EYA1: variants seen among roughly 807,000 people sequenced by gnomAD.
EYA1 encodes the protein protein phosphatase EYA1.
Under a neutral mutation model 82.0 loss-of-function variants are expected in EYA1, and 16 were observed. The observed-to-expected ratio is 0.20, with a 90% CI of 0.13 to 0.30. The LOEUF is 0.30. Among genes scored for constraint, EYA1 ranks in the 10% least tolerant of loss-of-function variants. The pLI is 1.00. For synonymous variants in EYA1, 261 were observed against 264.4 expected, an observed-to-expected ratio of 0.99 and a Z score of 0.12; for missense variants, 633 against 730.7, an observed-to-expected ratio of 0.87 and a Z score of 1.54.
intron 2 of EYA1, among the ~76,000 whole-genome samples, chr8:71,524,749 A>G (rs2129275095): frequency 6.6e-6 from 1 of 152,346 alleles, no homozygotes; most frequent in African/African-American, 2.4e-5. Flanking sequence ...CCATTGCAAT[A>G]TTTGTATGGC....
intron 17 of EYA1, among the ~76,000 whole-genome samples, chr8:71,205,658 C>T (rs545915015): frequency 6.6e-6 from 1 of 152,232 alleles, no homozygotes; most frequent in African/African-American, 2.4e-5. Flanking sequence ...GATGAAAGCC[C>T]TTGGACTACA....
intron 7 of EYA1, among the ~76,000 whole-genome samples, chr8:71,305,646 CAAATAAAT>C (rs3086567): frequency 5.5e-5 from 8 of 146,784 alleles, no homozygotes; most frequent in African/African-American, 1.0e-4. Context: ...AACTCTATCT[CAAATAAAT>C]AAATAAATAA....
chr8:71,412,427 AAAAAAAAG>A (rs1328497774), intron 2 of EYA1, among the ~76,000 whole-genome samples: 13 of 59,334 alleles, frequency 2.2e-4, no homozygotes, highest in African/African-American at 6.9e-4. Context: ...AAAATAAAAT[AAAAAAAAG>A]AAATTGTTGT....
intron 11 of EYA1, among the ~76,000 whole-genome samples, chr8:71,245,978 A>G (rs1274272681): frequency 6.6e-6 from 1 of 152,162 alleles, no homozygotes; most frequent in East Asian, 1.9e-4. Context: ...GATGACATCT[A>G]CTGGCACTGA....
chr8:71,502,172 T>A (rs1811858377), intron 2 of EYA1, among the ~76,000 whole-genome samples: 1 of 152,214 alleles, frequency 6.6e-6, no homozygotes, highest in African/African-American at 2.4e-5. Flanking sequence ...ACCAGATCAC[T>A]TCTCTTCCCT....
intron 9 of EYA1, among the ~76,000 whole-genome samples, chr8:71,287,473 A>G (rs1202090422): frequency 1.3e-5 from 2 of 152,204 alleles, no homozygotes; most frequent in Non-Finnish European, 2.9e-5. Flanking sequence ...TCATTAGTCA[A>G]GGTCTAGTAA....
chr8:71,455,747 G>C (rs1162196254), intron 2 of EYA1, among the ~76,000 whole-genome samples: 1 of 152,120 alleles, frequency 6.6e-6, no homozygotes, highest in Non-Finnish European at 1.5e-5. Flanking sequence ...AGTATTGATG[G>C]GATGGATCTC....
At chr8:71,519,081 C>T (rs1265104643) in intron 2 of EYA1, among the ~76,000 whole-genome samples, 7 of 152,154 alleles carry the variant, frequency 4.6e-5, no homozygotes. Flanking sequence ...TCACTAAAAA[C>T]ACAAAGTACT....
rs143490788 is a variant in EYA1, at chr8:71,442,789, AG to A, written c.34-86279del. On this transcript the variant is annotated intron_variant, in intron 2 of 18. Coordinates refer to the EYA1 transcript ENST00000643681. Reference sequence around the variant, plus strand: ...CTTGAGCTTACTTGACCAAAATCACAGAGTTAATACACACAGTGGGAACATG... The same window carrying A: ...CTTGAGCTTACTTGACCAAAATCACAAGTTAATACACACAGTGGGAACATG... Among the ~76,000 whole-genome samples the A allele has an allele frequency of 2.5e-3, 381 of 152,352 alleles. 3 individuals carry two copies. Among genetic ancestry groups the A allele is most frequent in the African/African-American group, 8.9e-3 (371 of 41,582 alleles).
intron 2 of EYA1, among the ~76,000 whole-genome samples, chr8:71,423,119 A>G (rs1229166657): frequency 2.0e-5 from 3 of 152,148 alleles, no homozygotes; most frequent in Non-Finnish European, 2.9e-5. Context: ...TAAAGTACTA[A>G]TGTTCACAAA....
intron 12 of EYA1, among the ~76,000 whole-genome samples, chr8:71,232,683 C>CTT (rs111907048): frequency 6.9e-5 from 10 of 144,110 alleles, no homozygotes; most frequent in African/African-American, 1.3e-4. Context: ...TTTTTCTTTT[C>CTT]TTTTTTTTTT....
chr8:71,371,472 G>A (rs1406430726), intron 2 of EYA1, among the ~76,000 whole-genome samples: 2 of 152,134 alleles, frequency 1.3e-5, no homozygotes, highest in Non-Finnish European at 2.9e-5. Context: ...ACCTCCTAAG[G>A]CGAGAACTCA....
intron 11 of EYA1, among the ~76,000 whole-genome samples, chr8:71,268,032 C>T (rs1247749762): frequency 6.6e-6 from 1 of 152,114 alleles, no homozygotes; most frequent in East Asian, 1.9e-4. Flanking sequence ...TGTATGAAGC[C>T]AGGCATTTCT....
chr8:71,225,003 C>T (rs1027820431), intron 12 of EYA1: 1 of 199,340 alleles, frequency 5.0e-6, no homozygotes, highest in Admixed American at 5.7e-5. Context: ...AACTAGCTGA[C>T]AATTTGATTT....
intron 2 of EYA1, among the ~76,000 whole-genome samples, chr8:71,381,352 AG>A (rs1828689697): frequency 6.6e-6 from 1 of 152,246 alleles, no homozygotes; most frequent in African/African-American, 2.4e-5. Context: ...GTGGAAGGAA[AG>A]AAGCTTCTTC....
chr8:71,329,567 T>C (rs1183408349), intron 4 of EYA1, among the ~76,000 whole-genome samples: 1 of 152,184 alleles, frequency 6.6e-6, no homozygotes, highest in Admixed American at 6.5e-5. Flanking sequence ...TTCAGTCTTC[T>C]CCAACTCTTC....
At chr8:71,285,827 G>A (rs1360227917) in intron 9 of EYA1, among the ~76,000 whole-genome samples, 2 of 152,188 alleles carry the variant, frequency 1.3e-5, no homozygotes, top group African/African-American at 4.8e-5. Flanking sequence ...GAGCATGTCT[G>A]TTCTCTGGTT....
At chr8:71,231,889 C>G (rs1189288524) in intron 12 of EYA1, among the ~76,000 whole-genome samples, 1 of 152,168 alleles carries the variant, frequency 6.6e-6, no homozygotes, top group Non-Finnish European at 1.5e-5. Flanking sequence ...TTGTAAGACA[C>G]AGTGAGAAAG....
intron 3 of EYA1, among the ~76,000 whole-genome samples, chr8:71,346,545 C>T (rs1436498398): frequency 1.3e-5 from 2 of 150,820 alleles, no homozygotes; most frequent in African/African-American, 4.9e-5. Context: ...TACACACTAA[C>T]CCTAAGTGTA....
Sources: allele counts gnomAD v4.1 joint callset (sites outside exome capture counted in the v4.1 genomes callset), GRCh38; gene constraint gnomAD v4.1.1; transcripts MANE v1.5; gene names NCBI Gene and HGNC (gene_info 2026-07-23, HGNC 2026-07-21).